PPM1E: variants seen among roughly 807,000 people sequenced by gnomAD.
PPM1E encodes protein phosphatase 1E.
A neutral mutation model predicts 65.9 loss-of-function variants in PPM1E; 20 were observed. That is an observed-to-expected ratio of 0.30 (90% CI 0.21 to 0.44). PPM1E has a LOEUF of 0.44. Among genes scored for constraint, PPM1E ranks in the 20% least tolerant of loss-of-function variants. PPM1E has a pLI of 1.00. For missense variants in PPM1E, 713 were observed against 953.1 expected (o/e 0.75, Z 3.32); for synonymous variants, 352 against 374.9 (o/e 0.94, Z 0.70).
At chr17:58,813,281 G>A (rs1436111154) in intron 1 of PPM1E, among the ~76,000 whole-genome samples, 2 of 152,118 alleles carry the variant, frequency 1.3e-5, no homozygotes, top group African/African-American at 4.8e-5. Flanking sequence ...TGTACAATGG[G>A]ATCTTTTTAG....
At chr17:58,962,101 A>G (rs1315927658) in intron 2 of PPM1E, among the ~76,000 whole-genome samples, 1 of 152,114 alleles carries the variant, frequency 6.6e-6, no homozygotes, top group Admixed American at 6.6e-5. Context: ...CCTGACTAAC[A>G]TGGAGAAACC....
At chr17:58,880,038 A>G (rs984525305) in intron 1 of PPM1E, among the ~76,000 whole-genome samples, 5 of 152,250 alleles carry the variant, frequency 3.3e-5, no homozygotes, top group African/African-American at 9.6e-5. Context: ...CCAAAGAAGC[A>G]GTTACAGTCA....
intron 1 of PPM1E, among the ~76,000 whole-genome samples, chr17:58,920,219 A>T (rs1466584102): frequency 2.0e-5 from 3 of 152,178 alleles, no homozygotes; most frequent in Non-Finnish European, 4.4e-5. Flanking sequence ...TTCCTTCCAC[A>T]CCAACCTTAC....
At chr17:58,909,363 C>T (rs975369066) in intron 1 of PPM1E, among the ~76,000 whole-genome samples, 1 of 152,086 alleles carries the variant, frequency 6.6e-6, no homozygotes, top group Non-Finnish European at 1.5e-5. Context: ...CTCAAGCAAT[C>T]CTCCTGCCTC....
At chr17:58,862,709 T>G (rs2050955116) in intron 1 of PPM1E, among the ~76,000 whole-genome samples, 2 of 152,172 alleles carry the variant, frequency 1.3e-5, no homozygotes, top group South Asian at 4.1e-4. Flanking sequence ...CAATCCACAG[T>G]TGGGGAAGGC....
intron 1 of PPM1E, among the ~76,000 whole-genome samples, chr17:58,934,991 G>A (rs982241011): frequency 4.0e-5 from 6 of 151,070 alleles, no homozygotes; most frequent in Admixed American, 6.6e-5. Flanking sequence ...GGTGGCTCAC[G>A]CCTGTAATCC....
chr17:58,948,286 A>G (rs2052190032), intron 1 of PPM1E, among the ~76,000 whole-genome samples: 1 of 152,182 alleles, frequency 6.6e-6, no homozygotes, highest in Non-Finnish European at 1.5e-5. Flanking sequence ...AATCTGCCAC[A>G]GTCTTTTCTG....
intron 1 of PPM1E, among the ~76,000 whole-genome samples, chr17:58,951,736 C>T (rs1296821412): frequency 2.0e-5 from 3 of 150,260 alleles, no homozygotes; most frequent in South Asian, 2.1e-4. Flanking sequence ...TGCCAATTAA[C>T]AGTAGGATGC....
intron 1 of PPM1E, among the ~76,000 whole-genome samples, chr17:58,822,940 T>C (rs1350913324): frequency 6.6e-6 from 1 of 152,216 alleles, no homozygotes; most frequent in East Asian, 1.9e-4. Context: ...TTCTCTCCTC[T>C]TTGTCATATG....
chr17:58,821,331 C>T (rs1163941462), intron 1 of PPM1E, among the ~76,000 whole-genome samples: 1 of 152,136 alleles, frequency 6.6e-6, no homozygotes, highest in Non-Finnish European at 1.5e-5. Flanking sequence ...AGGATGGTCT[C>T]GATCTCCTGA....
intron 1 of PPM1E, among the ~76,000 whole-genome samples, chr17:58,800,053 A>G (rs34102441): frequency 0.33 from 50,469 of 152,010 alleles, 8,891 homozygotes; most frequent in East Asian, 0.49. Flanking sequence ...TGTGTAAATC[A>G]ATTAGCAAAG....
intron 1 of PPM1E, among the ~76,000 whole-genome samples, chr17:58,784,273 G>T (rs751508905): frequency 6.6e-6 from 1 of 151,860 alleles, no homozygotes; most frequent in Non-Finnish European, 1.5e-5. Context: ...TCTGCCTACC[G>T]AGGCCTCTCA....
At chr17:58,802,411 G>A (rs954355239) in intron 1 of PPM1E, among the ~76,000 whole-genome samples, 12 of 152,210 alleles carry the variant, frequency 7.9e-5, no homozygotes, top group African/African-American at 2.9e-4. Flanking sequence ...TTATGCCAGT[G>A]CCATACTGCT....
chr17:58,897,104 A>G (rs1450988522), intron 1 of PPM1E, among the ~76,000 whole-genome samples: 1 of 152,158 alleles, frequency 6.6e-6, no homozygotes, highest in Admixed American at 6.5e-5. Context: ...CTGCTCAGAA[A>G]AAAAGATTCC....
intron 1 of PPM1E, among the ~76,000 whole-genome samples, chr17:58,845,420 A>G (rs977262153): frequency 6.6e-5 from 10 of 151,910 alleles, no homozygotes; most frequent in Non-Finnish European, 1.0e-4. Context: ...TTGTACAACT[A>G]TCACCACCAT....
intron 1 of PPM1E, among the ~76,000 whole-genome samples, chr17:58,762,185 G>A (rs1247176943): frequency 6.6e-6 from 1 of 152,186 alleles, no homozygotes; most frequent in Non-Finnish European, 1.5e-5. Flanking sequence ...CTCATGAAAT[G>A]GAAAATTGGC....
intron 1 of PPM1E, among the ~76,000 whole-genome samples, chr17:58,887,524 C>T (rs1295365179): frequency 6.6e-6 from 1 of 152,082 alleles, no homozygotes. Context: ...AATGATATGG[C>T]TATCTGGGTG....
intron 1 of PPM1E, among the ~76,000 whole-genome samples, chr17:58,869,822 A>G (rs1427643350): frequency 6.6e-6 from 1 of 152,170 alleles, no homozygotes; most frequent in Non-Finnish European, 1.5e-5. Flanking sequence ...GCCCATTCAC[A>G]ATCTGCTTCA....
chr17:58,852,020 G>A (rs193037054), intron 1 of PPM1E, among the ~76,000 whole-genome samples: 79 of 152,296 alleles, frequency 5.2e-4, no homozygotes, highest in African/African-American at 1.7e-3. Flanking sequence ...CTTGCAGTTC[G>A]ATCTCAGACT....
Sources: allele counts gnomAD v4.1 joint callset (sites outside exome capture counted in the v4.1 genomes callset), GRCh38; gene constraint gnomAD v4.1.1; transcripts MANE v1.5; gene names NCBI Gene and HGNC (gene_info 2026-07-23, HGNC 2026-07-21).